The following VWC2L variants were observed in gnomAD, a reference collection of about 807,000 sequenced individuals.
VWC2L encodes von Willebrand factor C domain containing 2 like.
A neutral mutation model predicts 21.6 loss-of-function variants in VWC2L; 10 were observed. The ratio of observed to expected loss-of-function variants is 0.46; its 90% CI spans 0.29 to 0.78. VWC2L has a LOEUF of 0.78. Among genes scored for constraint, VWC2L ranks in the 30% least tolerant of loss-of-function variants. The pLI is 0.10. For missense variants in VWC2L, 209 were observed against 277.1 expected, an observed-to-expected ratio of 0.75 and a Z score of 1.74; for synonymous variants, 96 against 94.3, an observed-to-expected ratio of 1.02 and a Z score of -0.10.
intron 3 of VWC2L, among the ~76,000 whole-genome samples, chr2:214,562,886 A>G (rs994258004): frequency 6.6e-6 from 1 of 152,184 alleles, no homozygotes; most frequent in Non-Finnish European, 1.5e-5. Flanking sequence ...GTAGATTGCA[A>G]AAATTTTCTT....
At chr2:214,474,858 G>C (rs1166492373) in intron 3 of VWC2L, among the ~76,000 whole-genome samples, 1 of 151,926 alleles carries the variant, frequency 6.6e-6, no homozygotes, top group African/African-American at 2.4e-5. Flanking sequence ...ATCAGGGAAG[G>C]GTTTTTGATG....
chr2:214,452,592 C>CT (rs1300087603), intron 3 of VWC2L, among the ~76,000 whole-genome samples: 1 of 151,708 alleles, frequency 6.6e-6, no homozygotes, highest in Non-Finnish European at 1.5e-5. Flanking sequence ...TGGATACTTT[C>CT]TTTTTTGAAT....
At chr2:214,416,567 A>G (rs997269288) in intron 2 of VWC2L, among the ~76,000 whole-genome samples, 3 of 152,098 alleles carry the variant, frequency 2.0e-5, no homozygotes, top group Admixed American at 1.3e-4. Flanking sequence ...AGACCAAAAA[A>G]GTATAAATTA....
At chr2:214,426,478 A>G (rs977345908) in intron 2 of VWC2L, among the ~76,000 whole-genome samples, 4 of 152,244 alleles carry the variant, frequency 2.6e-5, no homozygotes, top group Non-Finnish European at 5.9e-5. Context: ...CAAAGAAGCA[A>G]CAAAACTAGA....
At chr2:214,575,221 G>A (rs569948820) in intron 3 of VWC2L, among the ~76,000 whole-genome samples, 5 of 152,192 alleles carry the variant, frequency 3.3e-5, no homozygotes, top group African/African-American at 7.2e-5. Flanking sequence ...ACTGGGGAAC[G>A]AGCGAGTTTA....
At chr2:214,441,146 G>A (rs1223535557) in intron 3 of VWC2L, among the ~76,000 whole-genome samples, 1 of 152,066 alleles carries the variant, frequency 6.6e-6, no homozygotes, top group Non-Finnish European at 1.5e-5. Context: ...AGGCAAAGGG[G>A]CAAATATTAA....
chr2:214,418,189 G>T (rs1702384117), intron 2 of VWC2L, among the ~76,000 whole-genome samples: 1 of 152,152 alleles, frequency 6.6e-6, no homozygotes, highest in Non-Finnish European at 1.5e-5. Flanking sequence ...CCTTCCGTAT[G>T]TTCCCACGGC....
intron 3 of VWC2L, among the ~76,000 whole-genome samples, chr2:214,575,326 T>C (rs541073062): frequency 2.5e-4 from 38 of 152,258 alleles, no homozygotes; most frequent in African/African-American, 8.4e-4. Flanking sequence ...TTTCAGAGCA[T>C]ACGCTGGCAG....
intron 3 of VWC2L, among the ~76,000 whole-genome samples, chr2:214,504,067 A>G (rs1309101310): frequency 6.6e-6 from 1 of 152,228 alleles, no homozygotes; most frequent in African/African-American, 2.4e-5. Flanking sequence ...ACATTGTACA[A>G]ATTGTAACTG....
intron 3 of VWC2L, among the ~76,000 whole-genome samples, chr2:214,513,669 C>T (rs1280861675): frequency 6.6e-6 from 1 of 151,976 alleles, no homozygotes; most frequent in East Asian, 1.9e-4. Flanking sequence ...TATTTAGTGC[C>T]AATCAAAGCT....
In VWC2L at chr2:214,554,856, A is replaced by C. The variant is rs570833239; in HGVS notation, c.521-20816A>C. On this transcript the variant is annotated intron_variant, in intron 3 of 3. Transcript: ENST00000312504. ...TGAAAGAAACTGTATTTTACCTTAA[A>C]ATATATTTCTTTGACATACTTCGAA... is the stretch of plus-strand genomic sequence containing the variant. 1.1e-3 allele frequency among the ~76,000 whole-genome samples: 171 copies of C among 152,276 alleles called. 1 individual carries two copies. The highest frequency in any genetic ancestry group is 4.1e-3 in the African/African-American group (169 of 41,570).
intron 3 of VWC2L, among the ~76,000 whole-genome samples, chr2:214,542,464 A>G (rs1356813904): frequency 1.3e-5 from 2 of 152,150 alleles, no homozygotes; most frequent in Non-Finnish European, 2.9e-5. Context: ...AGTTGAAGCA[A>G]CTGAAAGCTT....
At chr2:214,522,097 C>T (rs1449484827) in intron 3 of VWC2L, among the ~76,000 whole-genome samples, 1 of 152,102 alleles carries the variant, frequency 6.6e-6, no homozygotes, top group Admixed American at 6.5e-5. Flanking sequence ...GTATTTTGGC[C>T]GGGCGCGGTG....
rs1183461489 is a variant in VWC2L, at chr2:214,439,618, A to G, written c.520+2860A>G. On this transcript the variant is annotated intron_variant, in intron 3 of 3. Coordinates refer to ENST00000312504, the MANE Select transcript of VWC2L (RefSeq NM_001080500.4). ...TGGCTGTCAAATACTTTGGTTTTTC[A>G]TATTAAAATTGATTTTTCTGCCTTC... Among the ~76,000 whole-genome samples the G allele has an allele frequency of 3.3e-5, 5 of 152,046 alleles. No individual in the cohort carries two copies. In the East Asian group the frequency reaches 7.7e-4, roughly 24 times the overall value.
At chr2:214,434,476 A>C (rs1366332491) in intron 2 of VWC2L, among the ~76,000 whole-genome samples, 1 of 152,172 alleles carries the variant, frequency 6.6e-6, no homozygotes, top group Non-Finnish European at 1.5e-5. Flanking sequence ...CTTTCTTAGC[A>C]GGAGCATCAG....
At chr2:214,546,727 T>C (rs1689712469) in intron 3 of VWC2L, among the ~76,000 whole-genome samples, 1 of 152,100 alleles carries the variant, frequency 6.6e-6, no homozygotes, top group East Asian at 1.9e-4. Context: ...TTATAGAAAA[T>C]TGTTTTTAGC....
chr2:214,452,417 A>G (rs148975050), intron 3 of VWC2L, among the ~76,000 whole-genome samples: 138 of 152,288 alleles, frequency 9.1e-4, no homozygotes, highest in African/African-American at 3.2e-3. Flanking sequence ...TTTGAGATTC[A>G]TACATGCTGT....
chr2:214,518,788 G>T (rs1433805912), intron 3 of VWC2L, among the ~76,000 whole-genome samples: 2 of 152,092 alleles, frequency 1.3e-5, no homozygotes, highest in Non-Finnish European at 2.9e-5. Context: ...TTAGTAATCA[G>T]AAAATTAAAT....
intron 3 of VWC2L, among the ~76,000 whole-genome samples, chr2:214,557,530 A>G (rs1044412776): frequency 6.6e-6 from 1 of 152,130 alleles, no homozygotes; most frequent in African/African-American, 2.4e-5. Flanking sequence ...CCAAATTGAT[A>G]CCACTACAAA....
Sources: gnomAD v4.1 joint callset for allele counts (sites outside exome capture counted in the v4.1 genomes callset) on GRCh38, gnomAD v4.1.1 for gene constraint, MANE v1.5 for transcripts, NCBI Gene and HGNC (gene_info 2026-07-23, HGNC 2026-07-21) for gene names.